The following PHF20 variants were observed in gnomAD, a reference collection of about 807,000 sequenced individuals.
PHF20 encodes PHD finger protein 20.
In PHF20, 23 loss-of-function variants were observed where a neutral mutation model predicts 113.5. The observed-to-expected ratio is 0.20, with a 90% confidence interval of 0.15 to 0.29. The LOEUF (loss-of-function observed/expected upper bound fraction) is 0.29. PHF20 is among the 10% of genes least tolerant of loss of function. The probability of loss-of-function intolerance (pLI) is 1.00; values close to 1 mark genes in which losing one functional copy is unlikely to be tolerated. For synonymous variants in PHF20, 434 were observed against 457.3 expected (o/e 0.95, Z 0.65); for missense variants, 943 against 1,219.6 (o/e 0.77, Z 3.38).
chr20:35,775,686 G>A (rs1390432017), intron 1 of PHF20, among the ~76,000 whole-genome samples: 3 of 149,994 alleles, frequency 2.0e-5, no homozygotes, highest in Admixed American at 1.3e-4. Flanking sequence ...CCCGGGAGGC[G>A]GAGGTTGCAG....
At chr20:35,916,585 A>G (rs2055407629) in intron 12 of PHF20, among the ~76,000 whole-genome samples, 1 of 152,118 alleles carries the variant, frequency 6.6e-6, no homozygotes, top group South Asian at 2.1e-4. Context: ...CTCCTGCCTC[A>G]GCCTCCCCAT....
chr20:35,847,324 C>CTTTT, intron 3 of PHF20, 26 bp from the exon 4 acceptor site: 1 of 1,172,008 alleles, frequency 8.5e-7, no homozygotes, highest in Non-Finnish European at 1.2e-6. Flanking sequence ...GTAACAGGAT[C>CTTTT]TTTTTTTTTT....
chr20:35,865,559 G>GT (rs1192239341), intron 6 of PHF20, among the ~76,000 whole-genome samples: 1 of 133,962 alleles, frequency 7.5e-6, no homozygotes, highest in East Asian at 2.2e-4. Flanking sequence ...CTGGAGTGCA[G>GT]TGGCGTGATT....
chr20:35,911,859 A>G (rs1468599256), intron 10 of PHF20, among the ~76,000 whole-genome samples: 1 of 151,870 alleles, frequency 6.6e-6, no homozygotes, highest in Non-Finnish European at 1.5e-5. Flanking sequence ...GGGTTTTGCC[A>G]TGTGGGCCAG....
chr20:35,858,874 CTG>C (rs1360888498), intron 5 of PHF20, among the ~76,000 whole-genome samples: 1 of 152,160 alleles, frequency 6.6e-6, no homozygotes, highest in African/African-American at 2.4e-5. Context: ...TGTCTGGCCA[CTG>C]TTTCCTTTTA....
chr20:35,913,480 G>A, intron 11 of PHF20, 133 bp downstream of exon 11: 1 of 696,382 alleles, frequency 1.4e-6, no homozygotes, highest in East Asian at 2.5e-5. Context: ...GGGCTTGTGG[G>A]CTCAACCTAG....
chr20:35,778,983 A>G (rs2041229823), intron 1 of PHF20, among the ~76,000 whole-genome samples: 2 of 151,998 alleles, frequency 1.3e-5, no homozygotes, highest in South Asian at 4.2e-4. Context: ...TTGGGGAAGG[A>G]GCAAGAGGAG....
At chr20:35,807,541 C>T (rs1430258246) in intron 2 of PHF20, among the ~76,000 whole-genome samples, 4 of 151,738 alleles carry the variant, frequency 2.6e-5, no homozygotes, top group Admixed American at 6.6e-5. Flanking sequence ...TTAGTAGAGG[C>T]GGGGTTTTGC....
intron 2 of PHF20, among the ~76,000 whole-genome samples, chr20:35,807,476 C>G (rs1405385278): frequency 6.6e-6 from 1 of 151,700 alleles, no homozygotes; most frequent in African/African-American, 2.4e-5. Flanking sequence ...GCCTCAGACT[C>G]CCGAGTAGCT....
intron 2 of PHF20, among the ~76,000 whole-genome samples, chr20:35,804,100 A>T (rs1301745230): frequency 6.6e-6 from 1 of 151,494 alleles, no homozygotes; most frequent in East Asian, 1.9e-4. Context: ...TTTATGATGG[A>T]GTCTAGCTCT....
chr20:35,861,243 G>A (rs1039412356), intron 5 of PHF20, among the ~76,000 whole-genome samples: 2 of 150,760 alleles, frequency 1.3e-5, no homozygotes, highest in Middle Eastern at 3.4e-3. Context: ...GTTATAATAC[G>A]TTTACTGTAG....
chr20:35,817,563 G>A (rs2042098320), intron 2 of PHF20, among the ~76,000 whole-genome samples: 1 of 152,162 alleles, frequency 6.6e-6, no homozygotes, highest in Non-Finnish European at 1.5e-5. Context: ...GGGAGGCCAA[G>A]GTGGGCATAT....
chr20:35,904,277 ATTTTTT>A (rs34412788), intron 10 of PHF20, among the ~76,000 whole-genome samples: 337 of 98,914 alleles, frequency 3.4e-3, no homozygotes, highest in African/African-American at 0.012. Flanking sequence ...GAATGCTCTG[ATTTTTT>A]TTTTTTTTTT....
intron 17 of PHF20, among the ~76,000 whole-genome samples, chr20:35,943,024 T>C (rs912035078): frequency 9.2e-5 from 14 of 152,200 alleles, no homozygotes; most frequent in Middle Eastern, 6.8e-3. Context: ...AGGGTTTCAC[T>C]GTGTTAGCCA....
intron 9 of PHF20, among the ~76,000 whole-genome samples, chr20:35,877,461 T>G (rs571416363): frequency 8.1e-4 from 123 of 151,896 alleles, no homozygotes; most frequent in South Asian, 2.5e-3. Context: ...ATTTTTATTT[T>G]TTATTTTTGA....
At chr20:35,819,932 T>C (rs533695761) in intron 2 of PHF20, among the ~76,000 whole-genome samples, 6 of 152,316 alleles carry the variant, frequency 3.9e-5, no homozygotes, top group African/African-American at 1.4e-4. Flanking sequence ...AGGCTTTATA[T>C]GTTATACCTC....
At chr20:35,903,674 C>T (rs1356394997) in intron 10 of PHF20, among the ~76,000 whole-genome samples, 9 of 152,216 alleles carry the variant, frequency 5.9e-5, no homozygotes, top group Admixed American at 3.9e-4. Flanking sequence ...ACTAGACCAT[C>T]CATCTTGCTG....
At chr20:35,923,325 G>A (rs2055555525) in intron 13 of PHF20, among the ~76,000 whole-genome samples, 1 of 152,076 alleles carries the variant, frequency 6.6e-6, no homozygotes, top group Admixed American at 6.6e-5. Context: ...TAATGGCCTA[G>A]CACTGTGGCT....
At chr20:35,878,491 A>G in intron 9 of PHF20, 2 of 585,964 alleles carry the variant, frequency 3.4e-6, no homozygotes, top group Non-Finnish European at 6.1e-6. Context: ...TTCTGAATTC[A>G]TATGATGAAG....
Sources: gnomAD v4.1 joint callset for allele counts (sites outside exome capture counted in the v4.1 genomes callset) on GRCh38, gnomAD v4.1.1 for gene constraint, MANE v1.5 for transcripts, NCBI Gene and HGNC (gene_info 2026-07-23, HGNC 2026-07-21) for gene names.